LIPJ: variants seen among roughly 807,000 people sequenced by gnomAD.
The protein encoded by LIPJ is lipase member J.
Under a neutral mutation model 39.8 loss-of-function variants are expected in LIPJ, and 33 were observed. The observed-to-expected ratio is 0.83, with a 90% CI of 0.63 to 1.11. LIPJ has a LOEUF of 1.11. Among genes scored for constraint, LIPJ ranks in the 50% least tolerant of loss-of-function variants. The probability of loss-of-function intolerance (pLI) is 0.00; values close to 1 mark genes in which losing one functional copy is unlikely to be tolerated. For missense variants in LIPJ, 422 were observed against 427.9 expected, an observed-to-expected ratio of 0.99 and a Z score of 0.12; for synonymous variants, 128 against 139.2, an observed-to-expected ratio of 0.92 and a Z score of 0.57.
intron 8 of LIPJ, among the ~76,000 whole-genome samples, chr10:88,600,039 T>A (rs1283189748): frequency 6.6e-6 from 1 of 152,074 alleles, no homozygotes; most frequent in African/African-American, 2.4e-5. Flanking sequence ...TCTCTTATTT[T>A]GTTACTGCTC....
At chr10:88,588,985 T>A (rs752869554) in intron 2 of LIPJ, among the ~76,000 whole-genome samples, 1 of 151,874 alleles carries the variant, frequency 6.6e-6, no homozygotes, top group East Asian at 1.9e-4. Context: ...TATAAAAATA[T>A]TAAAATTTGG....
chr10:88,598,954 AATAAT>A (rs144944103), intron 8 of LIPJ, among the ~76,000 whole-genome samples: 69,984 of 144,672 alleles, frequency 0.48, 17,273 homozygotes, highest in African/African-American at 0.57. Flanking sequence ...TATTGTATTT[AATAAT>A]ATAATATATT....
At chr10:88,621,945 G>A in the LIPJ span, among the ~76,000 whole-genome samples, 3 of 152,126 alleles carry the variant, frequency 2.0e-5, no homozygotes, top group Non-Finnish European at 4.4e-5. Flanking sequence ...AGAAGAATCC[G>A]AGTAAGAGAG....
chr10:88,617,226 G>GTA, the LIPJ span, among the ~76,000 whole-genome samples: 2 of 152,102 alleles, frequency 1.3e-5, no homozygotes, highest in African/African-American at 4.8e-5. Context: ...CCTTCAACAG[G>GTA]TGTCTCAGAA....
exon 6 of LIPJ, chr10:88,594,774 T>C (rs1301849511): frequency 1.4e-6 from 2 of 1,382,020 alleles, no homozygotes; most frequent in East Asian, 2.5e-5. Flanking sequence ...GGTACTACTA[T>C]TGGTATGCCA....
chr10:88,590,357 G>A (rs148373112), intron 2 of LIPJ, among the ~76,000 whole-genome samples: 1 of 151,764 alleles, frequency 6.6e-6, no homozygotes, highest in Admixed American at 6.6e-5. Flanking sequence ...TACAAAATAG[G>A]GTAGCCAGAA....
the LIPJ span, among the ~76,000 whole-genome samples, chr10:88,622,231 T>G: frequency 6.6e-6 from 1 of 152,208 alleles, no homozygotes; most frequent in African/African-American, 2.4e-5. Context: ...ACACTCATAC[T>G]TCAGAGCTCC....
Position 88,601,373 on chromosome 10 carries a change from C to T in LIPJ, c.724-1203C>T, listed in dbSNP as rs1448090676. Reference sequence around the variant, plus strand: ...GCAGTTACCCTTTCAAGAGTTTTGGCTCATTTAGCTAATTGTCAGTGCCCA... The same window carrying T: ...GCAGTTACCCTTTCAAGAGTTTTGGTTCATTTAGCTAATTGTCAGTGCCCA... On this transcript the variant is annotated intron_variant, in intron 8 of 10. Transcript: ENST00000371939. 2.6e-5 allele frequency among the ~76,000 whole-genome samples: 4 copies of T among 152,134 alleles called. No individual in the cohort carries two copies. The East Asian group carries it at 7.7e-4, about 29-fold the overall frequency.
chr10:88,587,569 C>A (rs554981915), intron 2 of LIPJ, among the ~76,000 whole-genome samples, 177 bp downstream of exon 2: 6 of 152,174 alleles, frequency 3.9e-5, no homozygotes, highest in African/African-American at 1.4e-4. Context: ...TGTTTAAGTA[C>A]TTTTGCTAAA....
At chr10:88,611,365 AC>A (rs919366298), downstream of LIPJ, among the ~76,000 whole-genome samples, 1 of 152,232 alleles carries the variant, frequency 6.6e-6, no homozygotes, top group Non-Finnish European at 1.5e-5. Flanking sequence ...TTACTTTAAC[AC>A]CCCAAAAGAT....
chr10:88,621,108 T>G, the LIPJ span, among the ~76,000 whole-genome samples: 1 of 152,186 alleles, frequency 6.6e-6, no homozygotes, highest in Non-Finnish European at 1.5e-5. Context: ...TATGAATTTT[T>G]GGGGAATGCA....
intron 5 of LIPJ, 22 bp from the exon 6 acceptor site, chr10:88,594,645 T>C (rs1248833222): frequency 1.6e-6 from 2 of 1,249,752 alleles, no homozygotes; most frequent in South Asian, 3.1e-5. Flanking sequence ...GTGCTATTTT[T>C]ATTTTCCTCT....
At chr10:88,596,676 T>G in intron 7 of LIPJ, 114 bp from the exon 8 acceptor site, 1 of 1,088,166 alleles carries the variant, frequency 9.2e-7, no homozygotes, top group Non-Finnish European at 1.3e-6. Flanking sequence ...TATTTAAAAT[T>G]TTCAAACTAC....
intron 8 of LIPJ, among the ~76,000 whole-genome samples, chr10:88,599,505 C>T (rs999126441): frequency 6.6e-5 from 10 of 151,854 alleles, no homozygotes; most frequent in Admixed American, 1.3e-4. Context: ...TAAGATTCTA[C>T]GTAGGAGTGA....
chr10:88,613,800 A>ATATATATATAGGTGTG, the LIPJ span, among the ~76,000 whole-genome samples: 1 of 74,156 alleles, frequency 1.3e-5, no homozygotes, highest in East Asian at 4.1e-4. Context: ...ATATATATAT[A>ATATATATATAGGTGTG]TGTGTGTGTG....
chr10:88,583,110 G>T (rs778198161), upstream of LIPJ: 66 of 1,614,022 alleles, frequency 4.1e-5, no homozygotes, highest in Non-Finnish European at 5.4e-5. Flanking sequence ...CAAGGTACAA[G>T]GGACCGGACG....
intron 2 of LIPJ, among the ~76,000 whole-genome samples, chr10:88,589,241 C>A (rs946153516): frequency 2.6e-5 from 4 of 151,830 alleles, no homozygotes; most frequent in Non-Finnish European, 4.4e-5. Context: ...GAAAATATTT[C>A]TTCCCAAGCT....
At chr10:88,611,159 G>A (rs1455784801), downstream of LIPJ, among the ~76,000 whole-genome samples, 1 of 152,158 alleles carries the variant, frequency 6.6e-6, no homozygotes, top group Non-Finnish European at 1.5e-5. Context: ...ACCCAGAAGA[G>A]CAAAAACGAT....
At chr10:88,614,254 T>C in the LIPJ span, among the ~76,000 whole-genome samples, 327 of 152,148 alleles carry the variant, frequency 2.1e-3, 1 homozygote, top group African/African-American at 7.4e-3. Context: ...AAAGAAAATA[T>C]ATATTTTAGA....
Sources: gnomAD v4.1 joint callset for allele counts (sites outside exome capture counted in the v4.1 genomes callset) on GRCh38, gnomAD v4.1.1 for gene constraint, MANE v1.5 for transcripts, NCBI Gene and HGNC (gene_info 2026-07-23, HGNC 2026-07-21) for gene names.